Variants in STIM1 observed in about 807,000 individuals in gnomAD.
STIM1 encodes the protein stromal interaction molecule 1.
A neutral mutation model predicts 74.7 loss-of-function variants in STIM1; 25 were observed. That is an observed-to-expected ratio of 0.33 (90% CI 0.24 to 0.47). The LOEUF (loss-of-function observed/expected upper bound fraction) is 0.47. Ranked by LOEUF, STIM1 falls within the 20% of genes least tolerant of loss-of-function variation. The pLI is 1.00. For synonymous variants in STIM1, 328 were observed against 348.8 expected (o/e 0.94, Z 0.66); for missense variants, 728 against 920.8 (o/e 0.79, Z 2.71).
At chr11:3,889,808 T>C (rs1187140725) in intron 1 of STIM1, among the ~76,000 whole-genome samples, 1 of 152,116 alleles carries the variant, frequency 6.6e-6, no homozygotes, top group East Asian at 1.9e-4. Flanking sequence ...TTGCAGGAGA[T>C]GCAGTTTTCT....
Position 3,988,805 on chromosome 11 carries a change from G to A in STIM1, c.270+21123G>A, listed in dbSNP as rs372194848. 1.7e-4 allele frequency among the ~76,000 whole-genome samples: 26 copies of A among 152,292 alleles called. No individual in the cohort carries two copies. The South Asian group carries it at 3.7e-3, about 22-fold the overall frequency. The stretch of plus-strand genomic sequence containing the variant: ...ATTTAAAATGTTCAAGACATTAAAT[G>A]CAGGGCTGCTGACTCCATATTGTCA... On this transcript the variant is annotated intron_variant, in intron 2 of 12. Coordinates refer to ENST00000526596, the MANE Select transcript of STIM1 (RefSeq NM_001382567.1).
At chr11:3,995,207 G>A (rs1194971172) in intron 2 of STIM1, among the ~76,000 whole-genome samples, 1 of 151,708 alleles carries the variant, frequency 6.6e-6, no homozygotes, top group Non-Finnish European at 1.5e-5. Context: ...CTGGTATATG[G>A]GTCACACTTT....
Position 4,091,437 on chromosome 11 carries a change from G to A in STIM1, c.1790G>A (p.Gly597Glu), listed in dbSNP as rs763113323. The part of the protein sequence containing the change: ...SHRLIEGVHP[G>E]SLVEKLPDSP... ...CGGCTGATCGAGGGGGTCCACCCAG[G>A]GTCTCTGGTGGAGAAACTGCCTGAC... Residue 597 changes from glycine (G) to glutamate (E), a missense_variant, in exon 13 of 13, where the codon GGG becomes GAG. This residue lies in a region of STIM1 where 352 missense variants were observed against 370.1 expected (regional missense o/e 0.95). Transcript: ENST00000526596. 6.2e-7 allele frequency: 1 copy of A among 1,614,198 alleles called. No individual in the cohort carries two copies. Among genetic ancestry groups the A allele is most frequent in the Non-Finnish European group, 8.5e-7 (1 of 1,180,040 alleles).
At position 4,083,163 on chromosome 11, in the gene STIM1, T is replaced by C. The variant is rs145729477; in HGVS notation, c.1239-100T>C. 1,429 of 1,326,730 alleles carry C rather than the reference T, an allele frequency of 1.1e-3. 21 individuals carry two copies. In the East Asian group the frequency reaches 0.017, roughly 16 times the overall value. The allele number at this position is 1,326,730 out of a possible 1,614,324, so 82.2% of individuals were successfully genotyped here. A position where few individuals can be genotyped will look rare whatever the true frequency, so the allele number is the denominator to read the frequency against. On this transcript the variant is annotated intron_variant, in intron 9 of 12. Transcript: ENST00000526596. ...AGTTTGAGTTTATTGTGTGTTTTAT[T>C]CACACATATTCTCAAAACTTGTTCC... is the stretch of plus-strand genomic sequence containing the variant.
At chr11:3,925,372 C>A (rs549849436) in intron 1 of STIM1, among the ~76,000 whole-genome samples, 390 of 152,238 alleles carry the variant, frequency 2.6e-3, no homozygotes, top group South Asian at 0.01. Context: ...TCCAGCCTGG[C>A]GACAGAGTGA....
chr11:3,927,619 G>T (rs1252113789), intron 1 of STIM1, among the ~76,000 whole-genome samples: 4 of 152,216 alleles, frequency 2.6e-5, no homozygotes, highest in African/African-American at 9.7e-5. Flanking sequence ...AGGGTGCAGT[G>T]ATGGTGGTGC....
chr11:4,048,985 C>T (rs1017355757), intron 3 of STIM1, among the ~76,000 whole-genome samples: 3 of 152,196 alleles, frequency 2.0e-5, no homozygotes, highest in Non-Finnish European at 4.4e-5. Flanking sequence ...CTGCCCGCCT[C>T]GGCCTCCCAA....
At chr11:3,941,698 T>A (rs10835346) in intron 1 of STIM1, among the ~76,000 whole-genome samples, 35,793 of 122,966 alleles carry the variant, frequency 0.29, 5,361 homozygotes, top group South Asian at 0.46. Context: ...AGAGAGAGAG[T>A]GTGTGTGTGT....
At chr11:3,982,407 A>G (rs187831280) in intron 2 of STIM1, among the ~76,000 whole-genome samples, 1 of 152,318 alleles carries the variant, frequency 6.6e-6, no homozygotes, top group East Asian at 1.9e-4. Flanking sequence ...TTGAAAGATT[A>G]TGGCAAAGAT....
chr11:4,083,097 T>G, intron 9 of STIM1, 115 bp downstream of exon 9: 1 of 1,168,460 alleles, frequency 8.6e-7, no homozygotes. Context: ...ACAGCTCTGG[T>G]CTCCTGCCTC....
chr11:3,894,285 A>G (rs773836440), intron 1 of STIM1, among the ~76,000 whole-genome samples: 13 of 152,144 alleles, frequency 8.5e-5, no homozygotes, highest in Non-Finnish European at 1.8e-4. Context: ...TTCTCAACCC[A>G]ACAGTTAAAC....
At chr11:3,977,668 T>C (rs889371707) in intron 2 of STIM1, among the ~76,000 whole-genome samples, 4 of 152,214 alleles carry the variant, frequency 2.6e-5, no homozygotes, top group Non-Finnish European at 4.4e-5. Context: ...AGAACATATA[T>C]TTTGATGCAA....
At chr11:3,891,413 C>T (rs994906095) in intron 1 of STIM1, among the ~76,000 whole-genome samples, 1 of 152,070 alleles carries the variant, frequency 6.6e-6, no homozygotes, top group African/African-American at 2.4e-5. Flanking sequence ...CCTCAGCCTC[C>T]TCAGTAACTG....
chr11:4,008,996 A>G (rs1217045234), intron 2 of STIM1, among the ~76,000 whole-genome samples: 1 of 152,222 alleles, frequency 6.6e-6, no homozygotes, highest in African/African-American at 2.4e-5. Context: ...CATCTTCATA[A>G]AAAGTTGCAT....
intron 2 of STIM1, among the ~76,000 whole-genome samples, chr11:3,976,226 A>G (rs1396505424): frequency 6.6e-6 from 1 of 152,266 alleles, no homozygotes; most frequent in Non-Finnish European, 1.5e-5. Flanking sequence ...TGAACTACTA[A>G]TATACACAAC....
At chr11:3,939,058 T>C (rs1015843406) in intron 1 of STIM1, among the ~76,000 whole-genome samples, 3 of 152,240 alleles carry the variant, frequency 2.0e-5, no homozygotes, top group Non-Finnish European at 4.4e-5. Context: ...AAAGAACTTT[T>C]CTGTATGACA....
At chr11:3,873,744 G>A (rs893037341) in intron 1 of STIM1, among the ~76,000 whole-genome samples, 4 of 152,154 alleles carry the variant, frequency 2.6e-5, no homozygotes, top group African/African-American at 9.7e-5. Flanking sequence ...GCATACTTAT[G>A]CTGCTTCTGT....
At chr11:3,999,802 G>C (rs1433539542) in intron 2 of STIM1, 1 of 152,566 alleles carries the variant, frequency 6.6e-6, no homozygotes, top group Non-Finnish European at 1.5e-5. Flanking sequence ...GAAGTGCAAG[G>C]GATCAGGGAG....
At chr11:3,879,481 T>C (rs2091421877) in intron 1 of STIM1, among the ~76,000 whole-genome samples, 1 of 152,256 alleles carries the variant, frequency 6.6e-6, no homozygotes, top group African/African-American at 2.4e-5. Flanking sequence ...AGCCAACTGA[T>C]GGTAGTCATA....
Sources: gnomAD v4.1 joint callset for allele counts (sites outside exome capture counted in the v4.1 genomes callset) on GRCh38, gnomAD v4.1.1 for gene constraint, gnomAD v4.1.1 regional missense constraint, MANE v1.5 for transcripts, NCBI Gene and HGNC (gene_info 2026-07-23, HGNC 2026-07-21) for gene names.